SNX2: variants seen among roughly 807,000 people sequenced by gnomAD.
The protein encoded by SNX2 is sorting nexin 2.
SNX2 carries 25 observed loss-of-function variants against 69.9 expected under a neutral mutation model. The ratio of observed to expected loss-of-function variants is 0.36; its 90% CI spans 0.26 to 0.50. SNX2 has a LOEUF of 0.50. SNX2 is among the 20% of genes least tolerant of loss of function. SNX2 has a pLI of 0.97. For missense variants in SNX2, 551 were observed against 613.3 expected, an observed-to-expected ratio of 0.90 and a Z score of 1.07; for synonymous variants, 229 against 200.4, an observed-to-expected ratio of 1.14 and a Z score of -1.20.
chr5:122,775,044 T>A (rs904683381), upstream of SNX2: 38 of 1,478,696 alleles, frequency 2.6e-5, no homozygotes, highest in African/African-American at 4.2e-4. Context: ...GGCCCAGCCG[T>A]GCGTGCTCAC....
intron 1 of SNX2, chr5:122,775,639 T>G (rs570021044): frequency 5.6e-5 from 55 of 987,778 alleles, no homozygotes; most frequent in Non-Finnish European, 6.5e-5. Flanking sequence ...GGGAGCGCAA[T>G]GAAGTGAGCG....
intron 1 of SNX2, among the ~76,000 whole-genome samples, chr5:122,778,119 C>T (rs1356823389): frequency 6.6e-6 from 1 of 152,200 alleles, no homozygotes; most frequent in Non-Finnish European, 1.5e-5. Flanking sequence ...TAATGTCCTC[C>T]AAGCTCATCC....
At position 122,786,688 on chromosome 5, in the gene SNX2, TA is replaced by T. The variant is rs3834246; in HGVS notation, c.109-8567del. Reference sequence around the variant, plus strand: ...ATCCTCAGGAAAAGTTAAGACAGAATAAAAAAAAAAATGGCAAAATGGATCC... The same window carrying T: ...ATCCTCAGGAAAAGTTAAGACAGAATAAAAAAAAAATGGCAAAATGGATCC... On this transcript the variant is annotated intron_variant, in intron 1 of 14. Transcript: ENST00000379516. Among the ~76,000 whole-genome samples, 1,304 of 147,156 alleles carry T rather than the reference TA, an allele frequency of 8.9e-3. 8 individuals carry two copies. Among genetic ancestry groups the T allele is most frequent in the Middle Eastern group, 0.017 (5 of 286 alleles).
intron 1 of SNX2, among the ~76,000 whole-genome samples, chr5:122,786,284 T>C (rs1753084911): frequency 1.3e-5 from 2 of 152,158 alleles, no homozygotes; most frequent in South Asian, 4.1e-4. Flanking sequence ...GTAGTTATTT[T>C]TATATCCAGT....
chr5:122,822,438 G>T (rs114937653), intron 11 of SNX2, among the ~76,000 whole-genome samples: 2 of 152,006 alleles, frequency 1.3e-5, no homozygotes, highest in Non-Finnish European at 2.9e-5. Flanking sequence ...GTTTTTGTTT[G>T]GTTATTATCT....
At chr5:122,804,799 T>TTGC (rs1581636120) in intron 6 of SNX2, among the ~76,000 whole-genome samples, 1 of 152,200 alleles carries the variant, frequency 6.6e-6, no homozygotes, top group East Asian at 1.9e-4. Context: ...TATTCAATGC[T>TTGC]TTTTCAGTCA....
At chr5:122,798,584 G>A (rs376213299) in intron 2 of SNX2, among the ~76,000 whole-genome samples, 2 of 152,152 alleles carry the variant, frequency 1.3e-5, no homozygotes, top group South Asian at 4.1e-4. Flanking sequence ...AGGACCTCAG[G>A]TTAGAAACCA....
At chr5:122,788,055 A>G (rs1361958261) in intron 1 of SNX2, among the ~76,000 whole-genome samples, 4 of 152,056 alleles carry the variant, frequency 2.6e-5, no homozygotes, top group Non-Finnish European at 4.4e-5. Context: ...TTCCTTCAGC[A>G]TTTCTTTTTG....
At chr5:122,793,910 T>TA (rs1561450027) in intron 1 of SNX2, among the ~76,000 whole-genome samples, 1 of 129,418 alleles carries the variant, frequency 7.7e-6, no homozygotes, top group East Asian at 2.3e-4. Flanking sequence ...CAAAATTCTG[T>TA]CCCCCCAAAA....
Position 122,816,954 on chromosome 5 carries a change from G to A in SNX2, c.838G>A (p.Gly280Arg). Reference sequence around the variant, plus strand: ...TAATACACAGGCTCTGAGTGGAGCAGGAATATTGAGGATGGTGAACAAGGC... The same window carrying A: ...TAATACACAGGCTCTGAGTGGAGCAAGAATATTGAGGATGGTGAACAAGGC... ...AVNTQALSGAGILRMVNKAAD... is the reference protein window; with the variant it reads ...AVNTQALSGARILRMVNKAAD... The change falls in exon 9 of 15, where the codon GGA becomes AGA. Residue 280 changes from glycine to arginine, a missense_variant. Gly to Arg is a moderately radical substitution (Grantham distance 125). Coordinates refer to ENST00000379516, the MANE Select transcript of SNX2 (RefSeq NM_003100.4). The A allele has an allele frequency of 6.2e-7, 1 of 1,613,724 alleles. No individual in the cohort carries two copies. The highest frequency in any genetic ancestry group is 1.1e-5 in the South Asian group (1 of 91,060).
chr5:122,817,656 G>T (rs1003514973), intron 10 of SNX2, among the ~76,000 whole-genome samples: 2 of 151,960 alleles, frequency 1.3e-5, no homozygotes, highest in Non-Finnish European at 2.9e-5. Flanking sequence ...TTGAATTTTG[G>T]ATTAAAACTT....
intron 11 of SNX2, among the ~76,000 whole-genome samples, chr5:122,825,597 C>T (rs1379891965): frequency 6.6e-6 from 1 of 151,940 alleles, no homozygotes; most frequent in South Asian, 2.1e-4. Context: ...GTAATTTCTT[C>T]TACCACATAT....
chr5:122,814,550 T>C (rs961444279), intron 7 of SNX2, among the ~76,000 whole-genome samples: 2 of 152,308 alleles, frequency 1.3e-5, no homozygotes, highest in South Asian at 2.1e-4. Context: ...TTTTTATCAA[T>C]GTATAGAATT....
intron 10 of SNX2, among the ~76,000 whole-genome samples, 153 bp downstream of exon 10, chr5:122,817,526 A>AG (rs1753924955): frequency 6.6e-6 from 1 of 151,898 alleles, no homozygotes; most frequent in African/African-American, 2.4e-5. Flanking sequence ...TATTATGTAA[A>AG]TTTTTTTTGT....
intron 1 of SNX2, among the ~76,000 whole-genome samples, chr5:122,790,496 A>G (rs553387044): frequency 1.3e-5 from 2 of 152,276 alleles, no homozygotes; most frequent in East Asian, 3.9e-4. Context: ...TGACCTCTCT[A>G]TAGACTGCTC....
chr5:122,787,837 A>G (rs1753127741), intron 1 of SNX2, among the ~76,000 whole-genome samples: 1 of 152,152 alleles, frequency 6.6e-6, no homozygotes, highest in Non-Finnish European at 1.5e-5. Flanking sequence ...ACTTTCAGTT[A>G]TGATAAGAAT....
In SNX2 at chr5:122,801,893, A is replaced by G; in HGVS notation, c.415A>G (p.Ile139Val). Residue 139 changes from isoleucine (I) to valine (V), a missense_variant, in exon 4 of 15, where the codon ATT (isoleucine) becomes GTT (valine). Ile to Val is a conservative substitution (Grantham distance 29). Transcript: ENST00000379516. ...EEIEEEANGD[I>V]FDIEIGVSDP... The stretch of plus-strand genomic sequence containing the variant: ...GATTGAAGAAGAAGCAAATGGAGAC[A>G]TTTTTGACATAGAAATTGGTGTATC... The G allele has an allele frequency of 1.2e-6, 2 of 1,601,852 alleles. No individual in the cohort carries two copies. Among genetic ancestry groups the G allele is most frequent in the South Asian group, 1.1e-5 (1 of 89,188 alleles).
chr5:122,809,744 A>G (rs1200975468), intron 7 of SNX2, among the ~76,000 whole-genome samples: 1 of 152,154 alleles, frequency 6.6e-6, no homozygotes, highest in African/African-American at 2.4e-5. Flanking sequence ...TCTAGTTTTC[A>G]GTAGTAAATT....
intron 14 of SNX2, among the ~76,000 whole-genome samples, chr5:122,828,231 C>A (rs7723757): frequency 6.6e-6 from 1 of 151,804 alleles, no homozygotes; most frequent in African/African-American, 2.4e-5. Flanking sequence ...TGAAGGATTT[C>A]TTCCTTCCAG....
Sources: allele counts gnomAD v4.1 joint callset (sites outside exome capture counted in the v4.1 genomes callset), GRCh38; gene constraint gnomAD v4.1.1; transcripts MANE v1.5; gene names NCBI Gene and HGNC (gene_info 2026-07-23, HGNC 2026-07-21).